Variants in SETD7 observed in about 807,000 individuals in gnomAD.
The protein encoded by SETD7 is histone-lysine N-methyltransferase SETD7.
Under a neutral mutation model 41.8 loss-of-function variants are expected in SETD7, and 16 were observed. The ratio of observed to expected loss-of-function variants is 0.38; its 90% CI spans 0.26 to 0.58. The LOEUF (loss-of-function observed/expected upper bound fraction) is 0.58, where lower values mean the gene tolerates loss of function less well. SETD7 is among the 20% of genes least tolerant of loss of function. The pLI is 0.64. For synonymous variants in SETD7, 163 were observed against 169.7 expected (o/e 0.96, Z 0.31); for missense variants, 346 against 459.7 (o/e 0.75, Z 2.26).
intron 4 of SETD7, among the ~76,000 whole-genome samples, chr4:139,525,050 C>G (rs561031138): frequency 6.6e-6 from 1 of 152,210 alleles, no homozygotes; most frequent in African/African-American, 2.4e-5. Context: ...CTCCTGACCT[C>G]TAGTGATCCA....
intron 7 of SETD7, among the ~76,000 whole-genome samples, chr4:139,498,663 C>T (rs532389154): frequency 7.2e-5 from 11 of 152,206 alleles, no homozygotes; most frequent in Non-Finnish European, 1.5e-4. Flanking sequence ...AAAGATTTTT[C>T]TCTGACTTTC....
chr4:139,542,801 T>C (rs1254471799), intron 2 of SETD7, among the ~76,000 whole-genome samples: 1 of 152,264 alleles, frequency 6.6e-6, no homozygotes, highest in Non-Finnish European at 1.5e-5. Flanking sequence ...CTATTTTTCC[T>C]AGTTATCTGG....
At chr4:139,528,294 G>A (rs771041092) in intron 4 of SETD7, among the ~76,000 whole-genome samples, 8 of 152,164 alleles carry the variant, frequency 5.3e-5, no homozygotes, top group Admixed American at 3.3e-4. Context: ...TGTGCTCCAC[G>A]CAAGATGTTG....
downstream of SETD7, among the ~76,000 whole-genome samples, chr4:139,505,579 A>C (rs1407750786): frequency 6.6e-6 from 1 of 151,898 alleles, no homozygotes; most frequent in Admixed American, 6.6e-5. Context: ...ACAGAGTGAG[A>C]CTTCATCTCA....
downstream of SETD7, among the ~76,000 whole-genome samples, chr4:139,501,470 A>G (rs1726574818): frequency 6.6e-6 from 1 of 152,148 alleles, no homozygotes; most frequent in Non-Finnish European, 1.5e-5. Flanking sequence ...AAAAATCTAC[A>G]TATTAGGTAC....
chr4:139,554,840 T>A (rs1490126111), intron 1 of SETD7, among the ~76,000 whole-genome samples: 1 of 152,214 alleles, frequency 6.6e-6, no homozygotes, highest in Non-Finnish European at 1.5e-5. Flanking sequence ...TATGAAAACA[T>A]TAAAACTGAT....
chr4:139,513,249 A>G (rs1358652152), intron 7 of SETD7, among the ~76,000 whole-genome samples: 1 of 151,598 alleles, frequency 6.6e-6, no homozygotes, highest in Non-Finnish European at 1.5e-5. Flanking sequence ...GTGAAACCCC[A>G]TCTCTACTAA....
chr4:139,516,215 T>C lies in SETD7; in HGVS notation c.920+1670A>G, dbSNP rs1579203935. On this transcript the variant is annotated intron_variant, in intron 7 of 7. Coordinates refer to ENST00000274031, the MANE Select transcript of SETD7 (RefSeq NM_030648.4). The stretch of plus-strand genomic sequence containing the variant: ...GGGCGGTGGCTCACACCTGTAATCC[T>C]AGCACTTTGGGAGGCTGAGGCGGGT... Among the ~76,000 whole-genome samples, 3 of 152,042 alleles carry C rather than the reference T, an allele frequency of 2.0e-5. No homozygotes were observed. The South Asian group carries it at 6.2e-4, about 31-fold the overall frequency.
chr4:139,549,785 A>T (rs529171444), intron 1 of SETD7, among the ~76,000 whole-genome samples: 170 of 149,988 alleles, frequency 1.1e-3, no homozygotes, highest in East Asian at 8.2e-3. Context: ...AAAAAAAAAA[A>T]TTTTTTTTTG....
chr4:139,552,461 G>A (rs1032617372), intron 1 of SETD7, among the ~76,000 whole-genome samples: 1 of 152,102 alleles, frequency 6.6e-6, no homozygotes, highest in African/African-American at 2.4e-5. Flanking sequence ...TACCTCATCT[G>A]CTGTGTCAGC....
At chr4:139,502,943 G>A (rs1055779718), downstream of SETD7, among the ~76,000 whole-genome samples, 2 of 152,074 alleles carry the variant, frequency 1.3e-5, no homozygotes, top group African/African-American at 2.4e-5. Context: ...AACATTTTGA[G>A]AGACTGAGGT....
chr4:139,505,421 T>C (rs140717300), downstream of SETD7, among the ~76,000 whole-genome samples: 1,359 of 152,220 alleles, frequency 8.9e-3, 25 homozygotes, highest in African/African-American at 0.031. Flanking sequence ...AAACCCCGTC[T>C]TTACTAAAAA....
chr4:139,553,443 C>A (rs1560695293), intron 1 of SETD7, among the ~76,000 whole-genome samples: 1 of 152,190 alleles, frequency 6.6e-6, no homozygotes, highest in African/African-American at 2.4e-5. Context: ...TTAACTGTTG[C>A]TTCCAAACTC....
At chr4:139,546,702 TG>T in intron 2 of SETD7, 1 of 607,576 alleles carries the variant, frequency 1.6e-6, no homozygotes, top group Non-Finnish European at 2.8e-6. Flanking sequence ...AAGCACACTC[TG>T]GGAGACAGTG....
downstream of SETD7, among the ~76,000 whole-genome samples, chr4:139,504,916 C>T (rs1560671879): frequency 6.6e-6 from 1 of 152,160 alleles, no homozygotes; most frequent in Non-Finnish European, 1.5e-5. Context: ...ATTCCCCTTT[C>T]CCACAAGGAA....
At chr4:139,550,688 T>A (rs1398302621) in intron 1 of SETD7, among the ~76,000 whole-genome samples, 1 of 152,224 alleles carries the variant, frequency 6.6e-6, no homozygotes, top group Admixed American at 6.5e-5. Context: ...AGATCATTAA[T>A]ATTTGGACAA....
At chr4:139,528,934 A>G (rs1727404894) in intron 4 of SETD7, 97 bp downstream of exon 4, 1 of 1,058,220 alleles carries the variant, frequency 9.4e-7, no homozygotes, top group Non-Finnish European at 1.4e-6. Flanking sequence ...ATTAAAGAGA[A>G]CTATACAGAG....
intron 2 of SETD7, among the ~76,000 whole-genome samples, chr4:139,539,937 T>G (rs1436742378): frequency 1.3e-5 from 2 of 152,226 alleles, no homozygotes; most frequent in Non-Finnish European, 2.9e-5. Context: ...GCCCTGATCT[T>G]GGACTTCACA....
downstream of SETD7, among the ~76,000 whole-genome samples, chr4:139,494,034 T>C (rs1402081131): frequency 1.3e-5 from 2 of 152,168 alleles, no homozygotes; most frequent in East Asian, 3.9e-4. Context: ...CTGCAAGAGA[T>C]CCTTGGAATG....
Sources: allele counts gnomAD v4.1 joint callset (sites outside exome capture counted in the v4.1 genomes callset), GRCh38; gene constraint gnomAD v4.1.1; transcripts MANE v1.5; gene names NCBI Gene and HGNC (gene_info 2026-07-23, HGNC 2026-07-21).